The following FAT3 variants were observed in gnomAD, a reference collection of about 807,000 sequenced individuals.
FAT3 encodes the protein FAT atypical cadherin 3.
A neutral mutation model predicts 310.2 loss-of-function variants in FAT3; 95 were observed. The observed-to-expected ratio is 0.31, with a 90% CI of 0.26 to 0.36. FAT3 has a LOEUF of 0.36. Among genes scored for constraint, FAT3 ranks in the 10% least tolerant of loss-of-function variants. The probability of loss-of-function intolerance (pLI) is 1.00; values close to 1 mark genes in which losing one functional copy is unlikely to be tolerated. For synonymous variants in FAT3, 2,314 were observed against 2,192.9 expected, an observed-to-expected ratio of 1.06 and a Z score of -1.54; for missense variants, 5,408 against 5,715.6, an observed-to-expected ratio of 0.95 and a Z score of 1.74.
intron 22 of FAT3, among the ~76,000 whole-genome samples, chr11:92,875,009 G>C (rs1246404540): frequency 6.6e-6 from 1 of 151,906 alleles, no homozygotes; most frequent in Non-Finnish European, 1.5e-5. Context: ...GGCTACTAAT[G>C]AATGATAATA....
intron 2 of FAT3, among the ~76,000 whole-genome samples, chr11:92,521,240 T>C (rs995342922): frequency 6.6e-6 from 1 of 151,710 alleles, no homozygotes; most frequent in Non-Finnish European, 1.5e-5. Context: ...TCCTTGATTT[T>C]ATTGCTTATT....
chr11:92,489,098 T>C (rs1952521433), intron 2 of FAT3, among the ~76,000 whole-genome samples: 1 of 152,040 alleles, frequency 6.6e-6, no homozygotes, highest in African/African-American at 2.4e-5. Flanking sequence ...TGTGTTGATG[T>C]TACTCTTGTG....
chr11:92,614,334 C>T lies in FAT3; in HGVS notation c.3608-83050C>T, dbSNP rs949843713. On this transcript the variant is annotated intron_variant, in intron 3 of 27. Coordinates refer to ENST00000525166, the MANE Select transcript of FAT3 (RefSeq NM_001367949.2). ...TCTAAGTAACTGCCAGACTATTTTG[C>T]AAAGGTGCTGGACCTTCTTGCATTT... 9.2e-5 allele frequency among the ~76,000 whole-genome samples: 14 copies of T among 152,256 alleles called. No individual in the cohort carries two copies. The East Asian group carries it at 2.7e-3, about 29-fold the overall frequency.
intron 2 of FAT3, among the ~76,000 whole-genome samples, chr11:92,433,583 A>G (rs1042213458): frequency 3.3e-5 from 5 of 152,104 alleles, no homozygotes; most frequent in Non-Finnish European, 7.4e-5. Flanking sequence ...ACCAGTCCCA[A>G]TGAGATGAGC....
chr11:92,638,317 A>G (rs1941842040), intron 3 of FAT3, among the ~76,000 whole-genome samples: 1 of 152,202 alleles, frequency 6.6e-6, no homozygotes, highest in African/African-American at 2.4e-5. Flanking sequence ...AAATGCAGTA[A>G]AGCAGTCAGA....
At chr11:92,856,293 T>C (rs1948978529) in intron 19 of FAT3, among the ~76,000 whole-genome samples, 1 of 151,996 alleles carries the variant, frequency 6.6e-6, no homozygotes, top group Non-Finnish European at 1.5e-5. Flanking sequence ...CCTAACTGAT[T>C]TAGGAAACCA....
At chr11:92,742,159 C>T (rs756158503) in intron 4 of FAT3, among the ~76,000 whole-genome samples, 3 of 152,108 alleles carry the variant, frequency 2.0e-5, no homozygotes, top group Non-Finnish European at 4.4e-5. Context: ...TGAAAGAAGA[C>T]AGATATGCAA....
intron 3 of FAT3, among the ~76,000 whole-genome samples, chr11:92,693,099 C>CA (rs1943842051): frequency 6.6e-6 from 1 of 152,118 alleles, no homozygotes; most frequent in Admixed American, 6.5e-5. Context: ...ATCTCCATAA[C>CA]AAAAAATCAA....
intron 22 of FAT3, among the ~76,000 whole-genome samples, chr11:92,877,320 G>A (rs889389054): frequency 1.3e-5 from 2 of 152,130 alleles, no homozygotes; most frequent in Non-Finnish European, 2.9e-5. Context: ...TGCTCAAAAC[G>A]GTTTAGAGGC....
At chr11:92,506,538 T>C (rs1953104464) in intron 2 of FAT3, among the ~76,000 whole-genome samples, 1 of 152,214 alleles carries the variant, frequency 6.6e-6, no homozygotes, top group South Asian at 2.1e-4. Context: ...ACACAATTTT[T>C]AAATAGTATG....
rs1434774883 is a variant in FAT3, at chr11:92,801,832, G to A, written c.8819G>A (p.Gly2940Asp). The change falls in exon 10 of 28, where the codon GGC (glycine) becomes GAC (aspartate). Residue 2940 changes from glycine to aspartate, a missense_variant. By Grantham distance (94) the Gly-to-Asp change is moderately conservative. Around this residue, in one of 5 missense-constraint regions of FAT3, gnomAD observed 4,588 missense variants for 4,809.8 expected, o/e 0.95. Coordinates refer to ENST00000525166, the MANE Select transcript of FAT3 (RefSeq NM_001367949.2). ...AATGTGAAGGAGAGCGACCCACCGG[G>A]CGAGGTGGTAGCCGTCCTCAGCACC... ...RGNVKESDPP[G>D]EVVAVLSTWD... The A allele has an allele frequency of 1.2e-6, 2 of 1,613,850 alleles. No individual in the cohort carries two copies. The highest frequency in any genetic ancestry group is 1.3e-5 in the African/African-American group (1 of 74,918).
At chr11:92,475,557 A>G (rs1445915717) in intron 2 of FAT3, among the ~76,000 whole-genome samples, 1 of 152,046 alleles carries the variant, frequency 6.6e-6, no homozygotes, top group Non-Finnish European at 1.5e-5. Flanking sequence ...ACTCTTATGT[A>G]TGGAAGGCTT....
At chr11:92,539,223 T>C (rs2135406419) in intron 3 of FAT3, among the ~76,000 whole-genome samples, 1 of 152,294 alleles carries the variant, frequency 6.6e-6, no homozygotes, top group African/African-American at 2.4e-5. Flanking sequence ...ATTAAAATGT[T>C]TTATTAGGAA....
intron 2 of FAT3, chr11:92,366,597 T>C (rs945970282): frequency 7.6e-6 from 4 of 526,432 alleles, no homozygotes; most frequent in Admixed American, 5.8e-5. Context: ...CTTGTCCAAT[T>C]CATAGACAAT....
chr11:92,800,784 G>A lies in FAT3; in HGVS notation c.7771G>A (p.Val2591Met). ...TTTCTGCACTGTGAGAGTGATTGTT[G>A]TGGATGAAAATGACAATGCTCCCCA... ...TTFCTVRVIV[V>M]DENDNAPQFM... Residue 2591 changes from valine to methionine, a missense_variant, in exon 10 of 28, where the codon GTG (valine) becomes ATG (methionine). By Grantham distance (21) the Val-to-Met change is conservative (BLOSUM62 1). Transcript: ENST00000525166. 1.9e-6 allele frequency: 3 copies of A among 1,613,912 alleles called. No homozygotes were observed. Among genetic ancestry groups the A allele is most frequent in the Non-Finnish European group, 2.5e-6 (3 of 1,179,864 alleles).
At chr11:92,710,820 G>A (rs1792362) in intron 4 of FAT3, among the ~76,000 whole-genome samples, 87,229 of 152,112 alleles carry the variant, frequency 0.57, 26,785 homozygotes, top group African/African-American at 0.81. Flanking sequence ...TGCCACAAGG[G>A]CATCAACATG....
chr11:92,626,874 A>C (rs1188870388), intron 3 of FAT3, among the ~76,000 whole-genome samples: 1 of 152,158 alleles, frequency 6.6e-6, no homozygotes, highest in Non-Finnish European at 1.5e-5. Flanking sequence ...TTGTTCTGCT[A>C]TGGAGGGAGC....
intron 2 of FAT3, among the ~76,000 whole-genome samples, chr11:92,446,771 T>C (rs1951221951): frequency 6.6e-6 from 1 of 152,154 alleles, no homozygotes; most frequent in South Asian, 2.1e-4. Flanking sequence ...GATCTTCTAG[T>C]TTTTGACCTG....
chr11:92,877,256 G>T (rs1266036803), intron 22 of FAT3, among the ~76,000 whole-genome samples: 1 of 152,142 alleles, frequency 6.6e-6, no homozygotes, highest in Non-Finnish European at 1.5e-5. Flanking sequence ...GGAACTGGAG[G>T]CACCAGTCAC....
Sources: allele counts gnomAD v4.1 joint callset (sites outside exome capture counted in the v4.1 genomes callset), GRCh38; gene constraint gnomAD v4.1.1; regional missense constraint gnomAD v4.1.1; transcripts MANE v1.5; gene names NCBI Gene and HGNC (gene_info 2026-07-23, HGNC 2026-07-21).